EGFR: variants seen among roughly 807,000 people sequenced by gnomAD.
EGFR encodes the protein epidermal growth factor receptor.
In EGFR, 58 loss-of-function variants were observed where a neutral mutation model predicts 143.0. The ratio of observed to expected loss-of-function variants is 0.41; its 90% CI spans 0.33 to 0.50. EGFR has a LOEUF of 0.50. Among genes scored for constraint, EGFR ranks in the 20% least tolerant of loss-of-function variants. EGFR has a pLI of 0.39. For synonymous variants in EGFR, 613 were observed against 594.4 expected (o/e 1.03, Z -0.45); for missense variants, 1,307 against 1,579.0 (o/e 0.83, Z 2.92).
At position 55,108,133 on chromosome 7, in the gene EGFR, C is replaced by G. The variant is rs372595638; in HGVS notation, c.89-34153C>G. Among the ~76,000 whole-genome samples the G allele has an allele frequency of 7.7e-4, 117 of 152,336 alleles. 1 individual carries two copies. Among genetic ancestry groups the G allele is most frequent in the African/African-American group, 2.5e-3 (102 of 41,578 alleles). ...GCTGCAGTGTGACTCATTCCAAATGCAGAAATCTCTGACCCTGAGTTAGTC... is the reference window on the plus strand; with the variant it reads ...GCTGCAGTGTGACTCATTCCAAATGGAGAAATCTCTGACCCTGAGTTAGTC... On this transcript the variant is annotated intron_variant, in intron 1 of 27. Coordinates refer to ENST00000275493, the MANE Select transcript of EGFR (RefSeq NM_005228.5).
At chr7:55,083,375 A>G (rs771856788) in intron 1 of EGFR, among the ~76,000 whole-genome samples, 3 of 152,196 alleles carry the variant, frequency 2.0e-5, no homozygotes, top group Non-Finnish European at 4.4e-5. Context: ...AACTCCAGTA[A>G]AGGGTTTCCC....
intron 1 of EGFR, among the ~76,000 whole-genome samples, chr7:55,069,073 G>A (rs1196538631): frequency 1.3e-5 from 2 of 152,184 alleles, no homozygotes; most frequent in African/African-American, 2.4e-5. Context: ...GCAGTTTGAG[G>A]CTTTGAGTAC....
chr7:55,140,066 GC>G, intron 1 of EGFR, among the ~76,000 whole-genome samples: 1 of 151,384 alleles, frequency 6.6e-6, no homozygotes, highest in African/African-American at 2.4e-5. Context: ...GTCATTTGGG[GC>G]TTATTTAGCA....
intron 1 of EGFR, among the ~76,000 whole-genome samples, chr7:55,123,854 C>T (rs576982903): frequency 7.3e-5 from 11 of 151,200 alleles, no homozygotes; most frequent in East Asian, 2.0e-4. Context: ...TGAATGTGCC[C>T]GTATGTGCAT....
At chr7:55,117,540 G>A (rs552517994) in intron 1 of EGFR, among the ~76,000 whole-genome samples, 1 of 152,302 alleles carries the variant, frequency 6.6e-6, no homozygotes, top group South Asian at 2.1e-4. Flanking sequence ...GGCAACCCTG[G>A]AGGAAACCAC....
At chr7:55,161,900 T>A (rs1047632418) in intron 13 of EGFR, among the ~76,000 whole-genome samples, 3 of 152,216 alleles carry the variant, frequency 2.0e-5, no homozygotes, top group African/African-American at 7.2e-5. Flanking sequence ...GTATCTTAAA[T>A]TTTTCTAAGC....
chr7:55,054,891 C>A (rs1213933222), intron 1 of EGFR, among the ~76,000 whole-genome samples: 3 of 152,216 alleles, frequency 2.0e-5, no homozygotes, highest in Non-Finnish European at 2.9e-5. Flanking sequence ...TCACCAGCAG[C>A]CCAGCCTCGT....
At chr7:55,109,907 T>C in intron 1 of EGFR, 1 of 985,464 alleles carries the variant, frequency 1.0e-6, no homozygotes, top group Non-Finnish European at 1.2e-6. Flanking sequence ...TTGCTGTGGG[T>C]TCCCTCCGGC....
intron 1 of EGFR, among the ~76,000 whole-genome samples, chr7:55,090,337 T>C (rs1265825664): frequency 6.6e-6 from 1 of 152,150 alleles, no homozygotes; most frequent in Non-Finnish European, 1.5e-5. Flanking sequence ...ACAGCGCTTG[T>C]GTGCTGATGA....
chr7:55,170,832 C>T (rs1384553805), intron 15 of EGFR: 3 of 1,413,862 alleles, frequency 2.1e-6, no homozygotes, highest in Non-Finnish European at 2.8e-6. Context: ...AGCCTTGGTT[C>T]CTTCTGCCCC....
chr7:55,145,861 G>A (rs547606731), intron 3 of EGFR, among the ~76,000 whole-genome samples: 1 of 152,246 alleles, frequency 6.6e-6, no homozygotes, highest in East Asian at 1.9e-4. Context: ...CTCCCAGATC[G>A]AAGCCAGTGG....
chr7:55,177,890 GAAC>G (rs1285025221), intron 19 of EGFR, among the ~76,000 whole-genome samples: 1 of 152,242 alleles, frequency 6.6e-6, no homozygotes, highest in African/African-American at 2.4e-5. Context: ...AAACAGCCGA[GAAC>G]AAAGCTCGCT....
chr7:55,130,600 A>C (rs2128919756), intron 1 of EGFR, among the ~76,000 whole-genome samples: 1 of 152,356 alleles, frequency 6.6e-6, no homozygotes, highest in South Asian at 2.1e-4. Context: ...TCAGTTGAGT[A>C]GGAAGTGAGA....
intron 1 of EGFR, among the ~76,000 whole-genome samples, chr7:55,079,221 A>G (rs950585547): frequency 1.3e-5 from 2 of 152,010 alleles, no homozygotes; most frequent in African/African-American, 4.8e-5. Context: ...AAAGGTCAGA[A>G]GAGGAGAGGC....
chr7:55,152,450 T>C (rs1785203554), intron 5 of EGFR, 96 bp from the exon 6 acceptor site: 1 of 1,167,290 alleles, frequency 8.6e-7, no homozygotes, highest in African/African-American at 1.5e-5. Flanking sequence ...GTGTCTTCAC[T>C]TTTTCATGAA....
intron 1 of EGFR, among the ~76,000 whole-genome samples, chr7:55,134,461 C>T (rs556558589): frequency 1.3e-5 from 2 of 152,382 alleles, no homozygotes; most frequent in African/African-American, 2.4e-5. Context: ...GTCCAAAAGC[C>T]TTGTTTCCTG....
chr7:55,019,250 G>A lies in EGFR; in HGVS notation c.-28G>A, dbSNP rs1264403843. 2.7e-6 allele frequency: 4 copies of A among 1,468,986 alleles called. No individual in the cohort carries two copies. The highest frequency in any genetic ancestry group is 2.1e-5 in the Admixed American group (1 of 46,868). 91.0% of individuals were successfully genotyped at this position (1,468,986 alleles called of 1,614,324 possible). On this transcript the variant is annotated 5_prime_UTR_variant, in exon 1 of 28. Transcript: ENST00000275493. ...ACTCCGTCCAGTATTGATCGGGAGA[G>A]CCGGAGCGAGCTCTTCGGGGAGCAG...
At chr7:55,080,937 G>A (rs917148132) in intron 1 of EGFR, among the ~76,000 whole-genome samples, 4 of 152,144 alleles carry the variant, frequency 2.6e-5, no homozygotes, top group Non-Finnish European at 5.9e-5. Flanking sequence ...AGTGACACTA[G>A]CCATTTATCA....
At position 55,157,728 on chromosome 7, in the gene EGFR, A is replaced by C. The variant is rs558565565; in HGVS notation, c.1273A>C (p.Ile425Leu). Residue 425 changes from isoleucine to leucine, a missense_variant, in exon 11 of 28, where the codon ATC becomes CTC. Ile to Leu is a conservative substitution (Grantham distance 5, BLOSUM62 2). Around this residue, in one of 7 missense-constraint regions of EGFR, gnomAD observed 250 missense variants for 295.1 expected, o/e 0.85. Transcript: ENST00000275493. ...TDLHAFENLE[I>L]IRGRTKQHGQ... ...CCTCCATGCCTTTGAGAACCTAGAA[A>C]TCATACGCGGCAGGACCAAGCAACA... 1 of 1,614,096 alleles carries C rather than the reference A, an allele frequency of 6.2e-7. No individual in the cohort carries two copies. The highest frequency in any genetic ancestry group is 8.5e-7 in the Non-Finnish European group (1 of 1,180,044).
Sources: gnomAD v4.1 joint callset for allele counts (sites outside exome capture counted in the v4.1 genomes callset) on GRCh38, gnomAD v4.1.1 for gene constraint, gnomAD v4.1.1 regional missense constraint, MANE v1.5 for transcripts, NCBI Gene and HGNC (gene_info 2026-07-23, HGNC 2026-07-21) for gene names.